Variants in CALY observed in about 807,000 individuals in gnomAD.
CALY encodes the protein neuron-specific vesicular protein calcyon.
CALY carries 15 observed loss-of-function variants against 20.2 expected under a neutral mutation model. The observed-to-expected ratio is 0.74, with a 90% CI of 0.50 to 1.14. CALY has a LOEUF of 1.14. CALY is among the 50% of genes most tolerant of loss of function. The pLI is 0.00. For missense variants in CALY, 270 were observed against 304.4 expected (o/e 0.89, Z 0.84); for synonymous variants, 129 against 131.8 (o/e 0.98, Z 0.15).
At position 133,327,947 on chromosome 10, in the gene CALY, C is replaced by T. The variant is rs917841538; in HGVS notation, c.204G>A (p.Glu68=). 1 of 1,613,260 alleles carries T rather than the reference C, an allele frequency of 6.2e-7. No individual in the cohort carries two copies. The highest frequency in any genetic ancestry group is 8.5e-7 in the Non-Finnish European group (1 of 1,179,692). The change falls in exon 3 of 6, where the codon GAG becomes GAA. Residue 68 remains glutamate, a synonymous_variant. Transcript: ENST00000252939. ...SPDQQNFPDL[E]GQRLNCSHPE... ...GGTGGCTGCAGTTCAGCCTCTGGCC[C>T]TCCAGGTCAGGGAAATTCTGCTGGT...
At chr10:133,329,046 G>A in intron 1 of CALY, 37 bp from the exon 2 acceptor site, 1 of 1,485,544 alleles carries the variant, frequency 6.7e-7, no homozygotes, top group Non-Finnish European at 9.0e-7. Context: ...CCCACAGGCT[G>A]CCCCCTGGAT....
chr10:133,324,588 TGCTGCTGGCTGGGGTGGGCGGGGCTGC>T lies in CALY; in HGVS notation c.*980_*1006del. 1.6e-5 allele frequency: 1 copy of T among 62,290 alleles called. No homozygotes were observed. Among genetic ancestry groups the T allele is most frequent in the South Asian group, 3.6e-4 (1 of 2,772 alleles). 3.9% of individuals were successfully genotyped at this position (62,290 alleles called of 1,614,324 possible). The stretch of plus-strand genomic sequence containing the variant: ...GCTGGGGTGGGCGGGGCTGCAGAGC[TGCTGCTGGCTGGGGTGGGCGGGGCTGC>T]AGAGCTGCTGCTGGCTGGGGTGGGC... On this transcript the variant is annotated 3_prime_UTR_variant, in exon 6 of 6. Transcript: ENST00000252939.
chr10:133,330,530 C>A (rs1307900736), intron 1 of CALY, among the ~76,000 whole-genome samples: 1 of 145,988 alleles, frequency 6.8e-6, no homozygotes, highest in Non-Finnish European at 1.5e-5. Context: ...CGGTGGCGGG[C>A]GCCTGTAGTC....
intron 2 of CALY, among the ~76,000 whole-genome samples, chr10:133,328,530 G>T (rs923859164): frequency 6.6e-6 from 1 of 152,232 alleles, no homozygotes; most frequent in Non-Finnish European, 1.5e-5. Context: ...CTAAACCCAG[G>T]ACAGGGCCAT....
In CALY at chr10:133,327,412, C is replaced by T. The variant is rs143250247; in HGVS notation, c.247-421G>A. The T allele has an allele frequency of 7.7e-3, 3,732 of 487,596 alleles. 25 individuals are homozygous for T. The highest frequency in any genetic ancestry group is 0.014 in the South Asian group (405 of 28,198). 30.2% of individuals were successfully genotyped at this position (487,596 alleles called of 1,614,324 possible). A position where few individuals can be genotyped will look rare whatever the true frequency, so the allele number is the denominator to read the frequency against. On this transcript the variant is annotated intron_variant, in intron 3 of 5. Transcript: ENST00000252939. Reference sequence around the variant, plus strand: ...TGGTAACATGAGCTGCAGACTGGAACGTGAGGCCAGGGGCGGGGAGCCCTA... The same window carrying T: ...TGGTAACATGAGCTGCAGACTGGAATGTGAGGCCAGGGGCGGGGAGCCCTA...
rs1289328044 is a variant in CALY at position 133,324,551 on chromosome 10, G to GAGC, written c.*1043_*1044insGCT. 103 of 322,044 alleles carry GAGC rather than the reference G, an allele frequency of 3.2e-4. No individual in the cohort carries two copies. The highest frequency in any genetic ancestry group is 4.5e-4 in the Non-Finnish European group (73 of 160,986). 19.9% of individuals were successfully genotyped at this position (322,044 alleles called of 1,614,324 possible). ...ATTGGCTGGGGTGGGCGGGGCTGCA[G>GAGC]TGCTGCAATTGGCTGGGGTGGGCGG... On this transcript the variant is annotated 3_prime_UTR_variant, in exon 6 of 6. Coordinates refer to ENST00000252939, the MANE Select transcript of CALY (RefSeq NM_015722.4).
chr10:133,327,036 G>T, intron 3 of CALY, 45 bp from the exon 4 acceptor site: 1 of 1,353,314 alleles, frequency 7.4e-7, no homozygotes. Context: ...AGGCAGGGGC[G>T]GTCTTTGTGG....
At chr10:133,335,562 G>T (rs1025096510) in intron 1 of CALY, among the ~76,000 whole-genome samples, 2 of 152,196 alleles carry the variant, frequency 1.3e-5, no homozygotes, top group African/African-American at 4.8e-5. Flanking sequence ...CTGGTTCCGG[G>T]CCCAGCGCCC....
intron 4 of CALY, 55 bp from the exon 5 acceptor site, chr10:133,326,175 G>A (rs1848205979): frequency 6.4e-7 from 1 of 1,570,332 alleles, no homozygotes; most frequent in African/African-American, 1.4e-5. Context: ...GTGCGCCCCG[G>A]GCCCAGGCCC....
chr10:133,335,105 G>A (rs926762605), intron 1 of CALY, among the ~76,000 whole-genome samples: 1 of 151,048 alleles, frequency 6.6e-6, no homozygotes, highest in African/African-American at 2.5e-5. Context: ...GCGGAGGGCC[G>A]AGAGGCCGGG....
chr10:133,329,816 G>A (rs1423520792), intron 1 of CALY, among the ~76,000 whole-genome samples: 1 of 152,058 alleles, frequency 6.6e-6, no homozygotes, highest in Non-Finnish European at 1.5e-5. Flanking sequence ...AGCATCCCAC[G>A]CAATACGCGG....
Position 133,324,393 on chromosome 10 carries a change from G to A in CALY, c.*1202C>T, listed in dbSNP as rs1564784312. ...GCCAGTCCCACTGAGCTGGGAAGCT[G>A]CCTAGACCCGCACCTAGCCAGCAAG... is the stretch of plus-strand genomic sequence containing the variant. On this transcript the variant is annotated 3_prime_UTR_variant, in exon 6 of 6. Transcript: ENST00000252939. The A allele has an allele frequency of 2.2e-6, 1 of 453,552 alleles. No individual in the cohort carries two copies. The highest frequency in any genetic ancestry group is 4.4e-6 in the Non-Finnish European group (1 of 226,466). 28.1% of individuals were successfully genotyped at this position (453,552 alleles called of 1,614,324 possible).
At chr10:133,334,652 G>T (rs554763278) in intron 1 of CALY, among the ~76,000 whole-genome samples, 1 of 151,844 alleles carries the variant, frequency 6.6e-6, no homozygotes, top group South Asian at 2.1e-4. Flanking sequence ...TTTGGAGGTG[G>T]CAGCTTCTGC....
At position 133,325,932 on chromosome 10, in the gene CALY, C is replaced by CG; in HGVS notation, c.548_549insC (p.Ala184GlyfsTer52). The CG allele has an allele frequency of 7.5e-7, 1 of 1,341,506 alleles. No homozygotes were observed. The allele number at this position is 1,341,506 out of a possible 1,614,324, so 83.1% of individuals were successfully genotyped here. On this transcript the variant is annotated frameshift_variant, in exon 5 of 6. Coordinates refer to ENST00000252939, the MANE Select transcript of CALY (RefSeq NM_015722.4). LOFTEE classifies it high-confidence loss of function. ...GGGGTTCGGTGGCCGCCGCCGCCGC[C>CG]CCAGCCTGGGTGGGCCCCTTGCGCT...
Position 133,326,980 on chromosome 10 carries a change from T to A in CALY, c.258A>T (p.Ala86=). ...GCGCCATGGCGAAGGCGATCATCCGTGCGGTGGGCAGCTGGCAGGAGGGCA... is the reference window on the plus strand; with the variant it reads ...GCGCCATGGCGAAGGCGATCATCCGAGCGGTGGGCAGCTGGCAGGAGGGCA... The part of the protein sequence containing the change: ...HPEEGRRLPT[A]RMIAFAMALL... Residue 86 remains alanine, a synonymous_variant, in exon 4 of 6, where the codon GCA becomes GCT. Coordinates refer to ENST00000252939, the MANE Select transcript of CALY (RefSeq NM_015722.4). 4.4e-6 allele frequency: 7 copies of A among 1,607,856 alleles called. No individual in the cohort carries two copies. The highest frequency in any genetic ancestry group is 5.9e-6 in the Non-Finnish European group (7 of 1,178,254).
rs1388729444 is a variant in CALY, at chr10:133,329,007, G to C, written c.-18C>G. 1.3e-6 allele frequency: 2 copies of C among 1,549,496 alleles called. No individual in the cohort carries two copies. The highest frequency in any genetic ancestry group is 2.4e-5 in the East Asian group (1 of 41,826). The stretch of plus-strand genomic sequence containing the variant: ...TTCACCATGGTGGATGGCAGTCCTT[G>C]TCCTGTCCAAAGACAGACAGAGTCA... On this transcript the variant is annotated splice_region_variant and 5_prime_UTR_variant, in exon 2 of 6. Coordinates refer to ENST00000252939, the MANE Select transcript of CALY (RefSeq NM_015722.4).
intron 1 of CALY, among the ~76,000 whole-genome samples, chr10:133,336,194 G>A (rs1320785312): frequency 6.6e-6 from 1 of 152,182 alleles, no homozygotes; most frequent in Non-Finnish European, 1.5e-5. Flanking sequence ...GCTGCACTGC[G>A]GGGTCGGCGC....
intron 2 of CALY, among the ~76,000 whole-genome samples, chr10:133,328,391 G>A (rs1005675775): frequency 5.3e-5 from 8 of 152,192 alleles, no homozygotes; most frequent in Admixed American, 3.9e-4. Context: ...AACTCGGGGT[G>A]CCCTTCATGC....
chr10:133,331,144 A>T (rs1021884994), intron 1 of CALY, among the ~76,000 whole-genome samples: 1 of 152,236 alleles, frequency 6.6e-6, no homozygotes, highest in East Asian at 1.9e-4. Context: ...TAGTGCATTA[A>T]GGCAGGAGGC....
Sources: gnomAD v4.1 joint callset for allele counts (sites outside exome capture counted in the v4.1 genomes callset) on GRCh38, gnomAD v4.1.1 for gene constraint, MANE v1.5 for transcripts, NCBI Gene and HGNC (gene_info 2026-07-23, HGNC 2026-07-21) for gene names.